The following SCHIP1 variants were observed in gnomAD, a reference collection of about 807,000 sequenced individuals.
SCHIP1 encodes the protein schwannomin-interacting protein 1.
In SCHIP1, 8 loss-of-function variants were observed where a neutral mutation model predicts 29.7. The ratio of observed to expected loss-of-function variants is 0.27; its 90% CI spans 0.16 to 0.49. The LOEUF is 0.49. Among genes scored for constraint, SCHIP1 ranks in the 20% least tolerant of loss-of-function variants. The pLI is 0.99. For synonymous variants in SCHIP1, 76 were observed against 94.9 expected (o/e 0.80, Z 1.16); for missense variants, 193 against 294.6 (o/e 0.66, Z 2.52).
the SCHIP1 span, chr3:159,401,521 C>G: frequency 4.8e-6 from 1 of 208,194 alleles, no homozygotes; most frequent in Non-Finnish European, 8.4e-6. Context: ...TATTTTCATC[C>G]TTATTTAAAA....
the SCHIP1 span, among the ~76,000 whole-genome samples, chr3:159,599,729 C>T: frequency 6.6e-6 from 1 of 152,136 alleles, no homozygotes; most frequent in Non-Finnish European, 1.5e-5. Flanking sequence ...ATCTCTTAAT[C>T]TTATTGTCAT....
the SCHIP1 span, among the ~76,000 whole-genome samples, chr3:159,782,146 C>A: frequency 6.6e-6 from 1 of 152,206 alleles, no homozygotes; most frequent in African/African-American, 2.4e-5. Flanking sequence ...GAGACTCTCA[C>A]TGAAAGACCA....
chr3:159,416,370 T>C, the SCHIP1 span, among the ~76,000 whole-genome samples: 1 of 152,326 alleles, frequency 6.6e-6, no homozygotes, highest in East Asian at 1.9e-4. Context: ...ATTTTATATA[T>C]GTATTTAGTT....
At chr3:159,292,550 A>G in the SCHIP1 span, among the ~76,000 whole-genome samples, 1 of 152,282 alleles carries the variant, frequency 6.6e-6, no homozygotes, top group South Asian at 2.1e-4. Flanking sequence ...GGGAGCAATT[A>G]CTTTGCTGAG....
chr3:159,404,675 C>T, the SCHIP1 span, among the ~76,000 whole-genome samples: 19 of 152,342 alleles, frequency 1.2e-4, no homozygotes, highest in South Asian at 1.9e-3. Flanking sequence ...AGCTCCCAGA[C>T]AGCATCTTGG....
At chr3:159,633,058 T>C in the SCHIP1 span, among the ~76,000 whole-genome samples, 2 of 152,306 alleles carry the variant, frequency 1.3e-5, no homozygotes, top group Middle Eastern at 3.4e-3. Context: ...GCCACACCCT[T>C]GAAAACTCAG....
the SCHIP1 span, among the ~76,000 whole-genome samples, chr3:159,379,763 G>T: frequency 4.7e-5 from 7 of 148,562 alleles, no homozygotes; most frequent in Non-Finnish European, 1.5e-5. Flanking sequence ...AAGCTGCCTG[G>T]CTTCCTGGGG....
chr3:159,857,752 A>G (rs1438562331), intron 1 of SCHIP1, among the ~76,000 whole-genome samples: 1 of 152,060 alleles, frequency 6.6e-6, no homozygotes, highest in African/African-American at 2.4e-5. Context: ...CTACCACTTT[A>G]TAAATTTCTG....
the SCHIP1 span, among the ~76,000 whole-genome samples, chr3:159,762,589 G>C: frequency 1.3e-5 from 2 of 152,154 alleles, no homozygotes; most frequent in Non-Finnish European, 2.9e-5. Flanking sequence ...GGTTCTCTCC[G>C]ATTTGTTATA....
the SCHIP1 span, among the ~76,000 whole-genome samples, chr3:159,447,295 G>A: frequency 1.3e-5 from 2 of 152,208 alleles, no homozygotes; most frequent in Non-Finnish European, 2.9e-5. Flanking sequence ...CAGGATTCAG[G>A]CTACAGAAGG....
chr3:159,564,076 A>G, the SCHIP1 span, among the ~76,000 whole-genome samples: 461 of 152,182 alleles, frequency 3.0e-3, 2 homozygotes, highest in African/African-American at 9.2e-3. Flanking sequence ...CCTAATCTCA[A>G]TGCTCAACTA....
chr3:159,820,031 T>A, the SCHIP1 span, among the ~76,000 whole-genome samples: 41 of 152,332 alleles, frequency 2.7e-4, no homozygotes, highest in African/African-American at 9.9e-4. Flanking sequence ...TTGGTTGGGA[T>A]TGGCCAGATA....
the SCHIP1 span, among the ~76,000 whole-genome samples, chr3:159,781,220 G>A: frequency 5.9e-5 from 9 of 152,288 alleles, no homozygotes; most frequent in African/African-American, 1.9e-4. Context: ...TTGTTGCCCA[G>A]GCTGGAGTGC....
chr3:159,646,943 TCTA>T, the SCHIP1 span, among the ~76,000 whole-genome samples: 2 of 151,828 alleles, frequency 1.3e-5, no homozygotes, highest in African/African-American at 4.8e-5. Flanking sequence ...GTCTGCCCCA[TCTA>T]GTAAGGGAGC....
chr3:159,626,236 ATATC>A, the SCHIP1 span, among the ~76,000 whole-genome samples: 6,745 of 91,856 alleles, frequency 0.073, 523 homozygotes, highest in East Asian at 0.24. Context: ...ATATCTAGAT[ATATC>A]TATCTATCTA....
chr3:159,855,658 T>A (rs970586364), intron 1 of SCHIP1, among the ~76,000 whole-genome samples: 5 of 147,530 alleles, frequency 3.4e-5, no homozygotes, highest in Non-Finnish European at 6.0e-5. Context: ...TAAGTAAAAG[T>A]TGTAATTTTT....
At chr3:159,427,734 C>T in the SCHIP1 span, among the ~76,000 whole-genome samples, 643 of 152,162 alleles carry the variant, frequency 4.2e-3, 5 homozygotes, top group African/African-American at 0.015. Flanking sequence ...CCCGCATCAC[C>T]GAGTCAATCC....
the SCHIP1 span, among the ~76,000 whole-genome samples, chr3:159,302,954 C>A: frequency 3.1e-4 from 47 of 152,136 alleles, no homozygotes; most frequent in African/African-American, 1.1e-3. Context: ...TAATAAGGAA[C>A]ACAAATAATA....
chr3:159,363,968 A>ATTTC, the SCHIP1 span, among the ~76,000 whole-genome samples: 3 of 152,234 alleles, frequency 2.0e-5, no homozygotes, highest in African/African-American at 7.2e-5. Flanking sequence ...TGAAAATTGA[A>ATTTC]TTTCTTTGGA....
Sources: gnomAD v4.1 joint callset for allele counts (sites outside exome capture counted in the v4.1 genomes callset) on GRCh38, gnomAD v4.1.1 for gene constraint, MANE v1.5 for transcripts, NCBI Gene and HGNC (gene_info 2026-07-23, HGNC 2026-07-21) for gene names.